ABAT: variants seen among roughly 807,000 people sequenced by gnomAD.
ABAT encodes 4-aminobutyrate aminotransferase, mitochondrial.
ABAT carries 45 observed loss-of-function variants against 64.6 expected under a neutral mutation model. The observed-to-expected ratio is 0.70, with a 90% CI of 0.55 to 0.89. The LOEUF (loss-of-function observed/expected upper bound fraction) is 0.89. Ranked by LOEUF, ABAT falls within the 40% of genes least tolerant of loss-of-function variation. The pLI, the probability that ABAT is intolerant of heterozygous loss-of-function variation, is 0.00. For synonymous variants in ABAT, 297 were observed against 250.5 expected (o/e 1.19, Z -1.75); for missense variants, 633 against 658.4 (o/e 0.96, Z 0.42).
intron 1 of ABAT, among the ~76,000 whole-genome samples, chr16:8,719,885 C>A (rs2058318310): frequency 6.6e-6 from 1 of 152,230 alleles, no homozygotes; most frequent in African/African-American, 2.4e-5. Context: ...GACCTCTACT[C>A]ACTGCAACAT....
chr16:8,742,358 T>C (rs2059187702), intron 2 of ABAT, among the ~76,000 whole-genome samples: 1 of 152,224 alleles, frequency 6.6e-6, no homozygotes. Context: ...TCAAGACACT[T>C]TCTGGAGAAA....
At position 8,781,391 on chromosome 16, in the gene ABAT, C is replaced by A; in HGVS notation, c.1464C>A (p.Phe488Leu). The A allele has an allele frequency of 6.2e-7, 1 of 1,614,200 alleles. No homozygotes were observed. The highest frequency in any genetic ancestry group is 8.5e-7 in the Non-Finnish European group (1 of 1,180,040). ...LVFRDHHAHL[F>L]LNIFSDILAD... Reference sequence around the variant, plus strand: ...TCAGGGATCACCACGCTCACCTGTTCCTCAATATTTTCAGTGACATCTTAG... The same window carrying A: ...TCAGGGATCACCACGCTCACCTGTTACTCAATATTTTCAGTGACATCTTAG... The change falls in exon 16 of 16, where the codon TTC (phenylalanine) becomes TTA (leucine). Residue 488 changes from phenylalanine (F) to leucine (L), a missense_variant. Phe to Leu is a conservative substitution (Grantham distance 22). Coordinates refer to ENST00000268251, the MANE Select transcript of ABAT (RefSeq NM_020686.6). This position sits in a 1 kb window ranked among gnomAD's most constrained non-coding sequence, Gnocchi z 4.5.
intron 9 of ABAT, among the ~76,000 whole-genome samples, chr16:8,767,789 T>A (rs1380431262): frequency 6.6e-6 from 1 of 152,006 alleles, no homozygotes; most frequent in East Asian, 1.9e-4. Context: ...GATTCTCCTG[T>A]CTCAGCCTCC....
chr16:8,706,623 G>C (rs933471918), intron 1 of ABAT, among the ~76,000 whole-genome samples: 1 of 152,062 alleles, frequency 6.6e-6, no homozygotes, highest in African/African-American at 2.4e-5. Flanking sequence ...TGAGGCACGA[G>C]AATCAATTGA....
chr16:8,683,551 T>C (rs1262770286), intron 1 of ABAT: 1 of 135,892 alleles, frequency 7.4e-6, no homozygotes, highest in Non-Finnish European at 1.6e-5. Flanking sequence ...ACCCTGTTTC[T>C]AAAAAAAAAA....
At chr16:8,766,119 G>A (rs2059935043) in intron 8 of ABAT, 89 bp from the exon 9 acceptor site, 12 of 1,270,482 alleles carry the variant, frequency 9.4e-6, no homozygotes, top group Non-Finnish European at 1.4e-5. Flanking sequence ...CTTTCTACTT[G>A]TCTGGACTGA....
In ABAT at chr16:8,781,424, CAAGTA is replaced by C. The variant is rs756457894; in HGVS notation, c.1501_*2del. ...TTTTCAGTGACATCTTAGCAGACTT[CAAGTA>C]AAGAAGCCATTTCCACTACAGTGAG... On this transcript the variant is annotated frameshift_variant and stop_lost, in exon 16 of 16. Coordinates refer to ENST00000268251, the MANE Select transcript of ABAT (RefSeq NM_020686.6). LOFTEE classifies it high-confidence loss of function. The surrounding 1 kb of genome is among the most constrained non-coding windows in gnomAD (Gnocchi z 4.5). 2 of 1,614,190 alleles carry C rather than the reference CAAGTA, an allele frequency of 1.2e-6. No homozygotes were observed. Among genetic ancestry groups the C allele is most frequent in the Admixed American group, 1.7e-5 (1 of 60,012 alleles).
chr16:8,770,801 T>C (rs2060083827), intron 11 of ABAT, among the ~76,000 whole-genome samples: 2 of 152,220 alleles, frequency 1.3e-5, no homozygotes, highest in African/African-American at 2.4e-5. Flanking sequence ...GAGCATTTTA[T>C]TGAACCGAAT....
chr16:8,677,482 G>A (rs8050233), intron 1 of ABAT, among the ~76,000 whole-genome samples: 51 of 152,188 alleles, frequency 3.4e-4, no homozygotes, highest in African/African-American at 1.1e-3. Flanking sequence ...TCAGTTCCTC[G>A]TCTTTGAATG....
rs1210540070 is a variant in ABAT at position 8,748,096 on chromosome 16, T to A, written c.169-12T>A. ...GGACTTGCTATAATGCTTTTGTTGT[T>A]CTTGCCTGCAGGAGTTAATGAAACA... is the stretch of plus-strand genomic sequence containing the variant. On this transcript the variant is annotated splice_polypyrimidine_tract_variant and intron_variant, in intron 3 of 15. Coordinates refer to ENST00000268251, the MANE Select transcript of ABAT (RefSeq NM_020686.6). 6.2e-7 allele frequency: 1 copy of A among 1,613,274 alleles called. No homozygotes were observed. Among genetic ancestry groups the A allele is most frequent in the Non-Finnish European group, 8.5e-7 (1 of 1,179,442 alleles).
At chr16:8,741,288 G>A (rs142387967) in intron 2 of ABAT, among the ~76,000 whole-genome samples, 2 of 152,336 alleles carry the variant, frequency 1.3e-5, no homozygotes, top group Admixed American at 6.5e-5. Flanking sequence ...GCCTTTAGGA[G>A]AAGTGTGTTG....
At chr16:8,687,178 G>T (rs144150220) in intron 1 of ABAT, among the ~76,000 whole-genome samples, 1 of 152,114 alleles carries the variant, frequency 6.6e-6, no homozygotes, top group East Asian at 1.9e-4. Context: ...AGTGTTTGCC[G>T]AGAGCACTTG....
intron 1 of ABAT, among the ~76,000 whole-genome samples, chr16:8,683,759 T>C (rs2057388124): frequency 6.6e-6 from 1 of 152,194 alleles, no homozygotes; most frequent in Non-Finnish European, 1.5e-5. Context: ...GAGTACTTAC[T>C]AGACTCCAGG....
At chr16:8,766,417 G>T in intron 9 of ABAT, 147 bp downstream of exon 9, 1 of 741,956 alleles carries the variant, frequency 1.3e-6, no homozygotes, top group Non-Finnish European at 2.3e-6. Context: ...CACTTTGGGA[G>T]GCCAAGGCAG....
At chr16:8,772,390 T>C (rs1332724285) in intron 11 of ABAT, among the ~76,000 whole-genome samples, 1 of 152,076 alleles carries the variant, frequency 6.6e-6, no homozygotes, top group Admixed American at 6.6e-5. Context: ...GCATGTTCCA[T>C]GTAAAACAGA....
intron 1 of ABAT, among the ~76,000 whole-genome samples, chr16:8,698,185 A>G (rs2057744846): frequency 6.6e-6 from 1 of 152,182 alleles, no homozygotes; most frequent in Non-Finnish European, 1.5e-5. Context: ...TAGGGTTCCA[A>G]CTTTGCCTGC....
chr16:8,755,981 GGAGCTTGCAGTGAGCC>G (rs958069447), intron 5 of ABAT, among the ~76,000 whole-genome samples: 1 of 152,062 alleles, frequency 6.6e-6, no homozygotes. Context: ...CCCAGGAGGC[GGAGCTTGCAGTGAGCC>G]GAGATTGCTC....
chr16:8,752,705 T>G (rs1269875902), intron 5 of ABAT, among the ~76,000 whole-genome samples: 1 of 152,146 alleles, frequency 6.6e-6, no homozygotes, highest in Admixed American at 6.5e-5. Flanking sequence ...AGTTTGAGGC[T>G]GCAGTGGGCT....
At chr16:8,710,880 G>A (rs985588596) in intron 1 of ABAT, among the ~76,000 whole-genome samples, 2 of 152,096 alleles carry the variant, frequency 1.3e-5, no homozygotes, top group East Asian at 1.9e-4. Context: ...GTTTCTACAG[G>A]AGTCTTTAGA....
Sources: allele counts gnomAD v4.1 joint callset (sites outside exome capture counted in the v4.1 genomes callset), GRCh38; gene constraint gnomAD v4.1.1; non-coding constraint Gnocchi (gnomAD v3.1); transcripts MANE v1.5; gene names NCBI Gene and HGNC (gene_info 2026-07-23, HGNC 2026-07-21).